The following C4orf54 variants were observed in gnomAD, a reference collection of about 807,000 sequenced individuals.
C4orf54 encodes the protein chromosome 4 open reading frame 54.
C4orf54 carries 67 observed loss-of-function variants against 80.1 expected under a neutral mutation model. The ratio of observed to expected loss-of-function variants is 0.84; its 90% CI spans 0.69 to 1.03. The LOEUF (loss-of-function observed/expected upper bound fraction) is 1.03. Among genes scored for constraint, C4orf54 ranks in the 50% least tolerant of loss-of-function variants. C4orf54 has a pLI of 0.00. For missense variants in C4orf54, 2,434 were observed against 2,253.5 expected, an observed-to-expected ratio of 1.08 and a Z score of -1.62; for synonymous variants, 1,000 against 917.0, an observed-to-expected ratio of 1.09 and a Z score of -1.64.
chr4:99,657,240 T>C (rs1726992045), intron 1 of C4orf54, among the ~76,000 whole-genome samples: 1 of 152,242 alleles, frequency 6.6e-6, no homozygotes, highest in African/African-American at 2.4e-5. Flanking sequence ...AATTATAGTC[T>C]AAGGAGGAAT....
intron 2 of C4orf54, among the ~76,000 whole-genome samples, chr4:99,648,352 C>T (rs1726734982): frequency 6.6e-6 from 1 of 152,088 alleles, no homozygotes. Flanking sequence ...ATCTATTTAC[C>T]CTGATTTCCT....
intron 2 of C4orf54, among the ~76,000 whole-genome samples, chr4:99,644,933 T>C (rs963259720): frequency 1.4e-5 from 2 of 147,128 alleles, no homozygotes; most frequent in African/African-American, 5.0e-5. Context: ...AAAGAGAGAC[T>C]AGTGGGACAG....
In C4orf54 at chr4:99,639,917, A is replaced by G. The variant is rs1726576781; in HGVS notation, c.*1316T>C. ...GTTTAAAAAATTACCAGAATGCTTTATCTTTAAACAAATTGGTAAATAAAA... is the reference window on the plus strand; with the variant it reads ...GTTTAAAAAATTACCAGAATGCTTTGTCTTTAAACAAATTGGTAAATAAAA... On this transcript the variant is annotated 3_prime_UTR_variant, in exon 3 of 3. Coordinates refer to ENST00000511828, the MANE Select transcript of C4orf54 (RefSeq NM_001354435.2). 6.6e-6 allele frequency: 1 copy of G among 152,090 alleles called. No individual in the cohort carries two copies. The highest frequency in any genetic ancestry group is 6.5e-5 in the Admixed American group (1 of 15,268). The allele number at this position is 152,090 out of a possible 1,614,324, so 9.4% of individuals were successfully genotyped here. A position where few individuals can be genotyped will look rare whatever the true frequency, so the allele number is the denominator to read the frequency against.
In C4orf54 at chr4:99,650,310, G is replaced by T; in HGVS notation, c.4339C>A (p.Pro1447Thr). 4 of 1,536,096 alleles carry T rather than the reference G, an allele frequency of 2.6e-6. No homozygotes were observed. The highest frequency in any genetic ancestry group is 2.6e-6 in the Non-Finnish European group (3 of 1,146,904). The change falls in exon 2 of 3, where the codon CCT becomes ACT. Residue 1447 changes from proline (P) to threonine (T), a missense_variant. Coordinates refer to ENST00000511828, the MANE Select transcript of C4orf54 (RefSeq NM_001354435.2). Reference sequence around the variant, plus strand: ...TTCCTGTTGGTCACCTCATCAGGAGGTGCCCGGGTGGCTGGAGAGATCTTG... The same window carrying T: ...TTCCTGTTGGTCACCTCATCAGGAGTTGCCCGGGTGGCTGGAGAGATCTTG... Reference protein sequence around the residue: ...SLKISPATRAPPDEVTNRKSG... With the variant: ...SLKISPATRATPDEVTNRKSG...
Position 99,649,974 on chromosome 4 carries a change from T to G in C4orf54, c.4675A>C (p.Ile1559Leu). The change falls in exon 2 of 3, where the codon ATC (isoleucine) becomes CTC (leucine). Residue 1559 changes from isoleucine to leucine, a missense_variant. Ile to Leu is a conservative substitution (Grantham distance 5). Coordinates refer to ENST00000511828, the MANE Select transcript of C4orf54 (RefSeq NM_001354435.2). ...AAGGGCAGCGGCGGCTGGTGGTAGA[T>G]GGTGGTGGGGGGATGCTCGGGGCTC... is the stretch of plus-strand genomic sequence containing the variant. Reference protein sequence around the residue: ...PQSPEHPPTTIYHQPPLPFTL... With the variant: ...PQSPEHPPTTLYHQPPLPFTL... The G allele has an allele frequency of 6.6e-7, 1 of 1,523,732 alleles. No homozygotes were observed. 94.4% of individuals were successfully genotyped at this position (1,523,732 alleles called of 1,614,324 possible). A position where few individuals can be genotyped will look rare whatever the true frequency, so the allele number is the denominator to read the frequency against.
intron 1 of C4orf54, among the ~76,000 whole-genome samples, chr4:99,656,730 G>T (rs1278709083): frequency 1.3e-5 from 2 of 152,166 alleles, no homozygotes; most frequent in African/African-American, 4.8e-5. Flanking sequence ...TGTAATCATT[G>T]TTCTAATTCC....
chr4:99,641,275 A>G (rs1726603626), intron 2 of C4orf54, 79 bp from the exon 3 acceptor site: 1 of 152,170 alleles, frequency 6.6e-6, no homozygotes. Context: ...ACTTTTACAA[A>G]CAAGAAAAAT....
In C4orf54 at chr4:99,649,923, C is replaced by G; in HGVS notation, c.4726G>C (p.Val1576Leu). The G allele has an allele frequency of 6.5e-7, 1 of 1,529,462 alleles. No homozygotes were observed. The highest frequency in any genetic ancestry group is 1.2e-5 in the South Asian group (1 of 83,584). The allele number at this position is 1,529,462 out of a possible 1,614,324, so 94.7% of individuals were successfully genotyped here. ...PFTLQGAQPQ[V>L]LCFSPPSMPA... ...ATGCTGGGTGGGGAGAAGCAGAGGA[C>G]CTGAGGCTGGGCCCCCTGTAGGGTG... The change falls in exon 2 of 3, where the codon GTC becomes CTC. Residue 1576 changes from valine (V) to leucine (L), a missense_variant. Transcript: ENST00000511828.
At chr4:99,643,251 C>T (rs1419806240) in intron 2 of C4orf54, among the ~76,000 whole-genome samples, 1 of 152,186 alleles carries the variant, frequency 6.6e-6, no homozygotes, top group Non-Finnish European at 1.5e-5. Flanking sequence ...CTTCACTACT[C>T]TCCTGAAATG....
At position 99,651,448 on chromosome 4, in the gene C4orf54, G is replaced by A. The variant is rs758893577; in HGVS notation, c.3201C>T (p.Asp1067=). Residue 1067 remains aspartate (D), a synonymous_variant, in exon 2 of 3, where the codon GAC becomes GAT. Transcript: ENST00000511828. ...SASNLFKTIE[D]NSRAQQKLFR... ...AGAGTTTCTGCTGTGCCCTGCTGTT[G>A]TCCTCGATGGTCTTGAACAGGTTAG... The A allele has an allele frequency of 7.8e-6, 12 of 1,536,178 alleles. No individual in the cohort carries two copies. The highest frequency in any genetic ancestry group is 1.4e-5 in the African/African-American group (1 of 73,020).
In C4orf54 at chr4:99,638,240, T is replaced by C. The variant is rs1292184922; in HGVS notation, c.*2993A>G. ...ATGGACATATAGAGAGCCTCTCTGC[T>C]ATGTCATTACCTACATATCTGGGCC... On this transcript the variant is annotated 3_prime_UTR_variant, in exon 3 of 3. Coordinates refer to ENST00000511828, the MANE Select transcript of C4orf54 (RefSeq NM_001354435.2). The C allele has an allele frequency of 2.0e-5, 3 of 152,162 alleles. No homozygotes were observed. Among genetic ancestry groups the C allele is most frequent in the Admixed American group, 2.0e-4 (3 of 15,278 alleles). The allele number at this position is 152,162 out of a possible 1,614,324, so 9.4% of individuals were successfully genotyped here. A position where few individuals can be genotyped will look rare whatever the true frequency, so the allele number is the denominator to read the frequency against.
chr4:99,653,369 T>A lies in C4orf54; in HGVS notation c.1280A>T (p.Asp427Val). Residue 427 changes from aspartate to valine, a missense_variant, in exon 2 of 3, where the codon GAC becomes GTC. Transcript: ENST00000511828. The stretch of plus-strand genomic sequence containing the variant: ...GGTGCTGAGGTAGCAGCTGTTGTCG[T>A]CGTCCTCTTCGGTCAGACTGGTGAT... ...GDITSLTEED[D>V]DNSCYLSTTP... The A allele has an allele frequency of 6.5e-7, 1 of 1,536,226 alleles. No individual in the cohort carries two copies. The highest frequency in any genetic ancestry group is 2.4e-5 in the East Asian group (1 of 40,898).
Position 99,649,884 on chromosome 4 carries a change from G to C in C4orf54, c.4765C>G (p.Pro1589Ala). 6.5e-7 allele frequency: 1 copy of C among 1,530,484 alleles called. No individual in the cohort carries two copies. The highest frequency in any genetic ancestry group is 1.2e-5 in the South Asian group (1 of 83,878). The allele number at this position is 1,530,484 out of a possible 1,614,324, so 94.8% of individuals were successfully genotyped here. ...GTGGGGACGGGAGCTGAGGCTGCAG[G>C]TGCTGGGGCAGGCATGCTGGGTGGG... is the stretch of plus-strand genomic sequence containing the variant. ...FSPPSMPAPA[P>A]AASAPVPTDP... Residue 1589 changes from proline (P) to alanine (A), a missense_variant, in exon 2 of 3, where the codon CCT (proline) becomes GCT (alanine). Physicochemically the swap from Pro to Ala is conservative, Grantham distance 27 (BLOSUM62 -1). Transcript: ENST00000511828.
rs1726591535 is a variant in C4orf54, at chr4:99,640,735, T to G, written c.*498A>C. ...AGAGCAGACCATCATAGTGAAAACT[T>G]AAATACGTATTACAACTCAGCCAGC... On this transcript the variant is annotated 3_prime_UTR_variant, in exon 3 of 3. Coordinates refer to ENST00000511828, the MANE Select transcript of C4orf54 (RefSeq NM_001354435.2). 6.6e-6 allele frequency: 1 copy of G among 152,152 alleles called. No individual in the cohort carries two copies. Among genetic ancestry groups the G allele is most frequent in the Non-Finnish European group, 1.5e-5 (1 of 68,002 alleles). 9.4% of individuals were successfully genotyped at this position (152,152 alleles called of 1,614,324 possible). A position where few individuals can be genotyped will look rare whatever the true frequency, so the allele number is the denominator to read the frequency against.
In C4orf54 at chr4:99,637,182, TAAAAAA is replaced by T. The variant is rs1165187228; in HGVS notation, c.*4045_*4050del. On this transcript the variant is annotated 3_prime_UTR_variant, in exon 3 of 3. Coordinates refer to ENST00000511828, the MANE Select transcript of C4orf54 (RefSeq NM_001354435.2). ...AGCCATAAAAAGCAATTATGAAACT[TAAAAAA>T]AGAAAAAGAAATCAAATCAGATGTG... 2.6e-5 allele frequency: 4 copies of T among 152,042 alleles called. No homozygotes were observed. The highest frequency in any genetic ancestry group is 5.9e-5 in the Non-Finnish European group (4 of 68,004). The allele number at this position is 152,042 out of a possible 1,614,324, so 9.4% of individuals were successfully genotyped here. A position where few individuals can be genotyped will look rare whatever the true frequency, so the allele number is the denominator to read the frequency against.
In C4orf54 at chr4:99,654,090, A is replaced by T; in HGVS notation, c.559T>A (p.Ser187Thr). Residue 187 changes from serine to threonine, a missense_variant, in exon 2 of 3, where the codon TCC becomes ACC. Physicochemically the swap from Ser to Thr is moderately conservative, Grantham distance 58 (BLOSUM62 1). Coordinates refer to ENST00000511828, the MANE Select transcript of C4orf54 (RefSeq NM_001354435.2). ...QLWPLPKPSA[S>T]SQREAKYVDM... ...ACATATTTCGCTTCTCGCTGGGAGG[A>T]GGCTGAAGGCTTGGGAAGTGGCCAC... The T allele has an allele frequency of 5.9e-6, 9 of 1,536,020 alleles. No homozygotes were observed. Among genetic ancestry groups the T allele is most frequent in the Non-Finnish European group, 7.8e-6 (9 of 1,146,896 alleles).
chr4:99,644,262 A>G (rs1449522534), intron 2 of C4orf54, among the ~76,000 whole-genome samples: 1 of 152,186 alleles, frequency 6.6e-6, no homozygotes, highest in Non-Finnish European at 1.5e-5. Flanking sequence ...GGTATATACT[A>G]AATGATTAAT....
At chr4:99,654,800 G>T (rs1280698667) in intron 1 of C4orf54, among the ~76,000 whole-genome samples, 121 bp from the exon 2 acceptor site, 1 of 152,112 alleles carries the variant, frequency 6.6e-6, no homozygotes, top group Non-Finnish European at 1.5e-5. Context: ...AAAAGAGAAG[G>T]TTGGGGGTGG....
chr4:99,639,652 G>C lies in C4orf54; in HGVS notation c.*1581C>G. ...CTCAAACCTTTCCCTATACCCAAGA[G>C]AACTTTTTTTCAGAGTAAGATCCCT... is the stretch of plus-strand genomic sequence containing the variant. On this transcript the variant is annotated 3_prime_UTR_variant, in exon 3 of 3. Transcript: ENST00000511828. The C allele has an allele frequency of 6.6e-6, 1 of 152,024 alleles. No individual in the cohort carries two copies. The highest frequency in any genetic ancestry group is 1.9e-4 in the East Asian group (1 of 5,186). 9.4% of individuals were successfully genotyped at this position (152,024 alleles called of 1,614,324 possible). A position where few individuals can be genotyped will look rare whatever the true frequency, so the allele number is the denominator to read the frequency against.
Sources: allele counts gnomAD v4.1 joint callset (sites outside exome capture counted in the v4.1 genomes callset), GRCh38; gene constraint gnomAD v4.1.1; transcripts MANE v1.5; gene names NCBI Gene and HGNC (gene_info 2026-07-23, HGNC 2026-07-21).